The following CFAP20DC variants were observed in gnomAD, a reference collection of about 807,000 sequenced individuals.
The protein encoded by CFAP20DC is protein CFAP20DC.
CFAP20DC carries 84 observed loss-of-function variants against 101.7 expected under a neutral mutation model. That is an observed-to-expected ratio of 0.83 (90% CI 0.69 to 0.99). CFAP20DC has a LOEUF of 0.99. CFAP20DC is among the 50% of genes least tolerant of loss of function. The pLI is 0.00. For synonymous variants in CFAP20DC, 359 were observed against 351.2 expected (o/e 1.02, Z -0.25); for missense variants, 1,007 against 970.3 (o/e 1.04, Z -0.50).
chr3:58,922,406 C>T lies in CFAP20DC; in HGVS notation c.394-8542G>A, dbSNP rs141275936. Among the ~76,000 whole-genome samples the T allele has an allele frequency of 3.9e-5, 6 of 152,264 alleles. No homozygotes were observed. In the East Asian group the frequency reaches 1.2e-3, roughly 29 times the overall value. On this transcript the variant is annotated intron_variant, in intron 5 of 16. Transcript: ENST00000482387. ...CCCACCAAGTCTCATGTTGAAAGTT[C>T]GTGCCCAATGTTAGAGATGGGGCCT...
intron 13 of CFAP20DC, among the ~76,000 whole-genome samples, chr3:58,842,507 G>A (rs908644321): frequency 6.6e-6 from 1 of 152,118 alleles, no homozygotes; most frequent in African/African-American, 2.4e-5. Flanking sequence ...CTGGCTCGGA[G>A]GGTCCTACGC....
At chr3:58,947,724 G>C (rs1576438864) in intron 4 of CFAP20DC, among the ~76,000 whole-genome samples, 1 of 152,144 alleles carries the variant, frequency 6.6e-6, no homozygotes, top group East Asian at 1.9e-4. Flanking sequence ...TCCAAAAGTA[G>C]AATTTAAAAT....
chr3:58,943,282 ACCT>A lies in CFAP20DC; in HGVS notation c.279-5523_279-5521del, dbSNP rs2088886149. ...CCCCTGTGCCTCCTGACTGGGAGAC[ACCT>A]CCCAGCAGGGGTCAATAGACACGTC... On this transcript the variant is annotated intron_variant, in intron 4 of 16. Coordinates refer to ENST00000482387, the MANE Select transcript of CFAP20DC (RefSeq NM_001394063.1). Among the ~76,000 whole-genome samples the A allele has an allele frequency of 2.0e-5, 3 of 151,896 alleles. No homozygotes were observed. The South Asian group carries it at 6.2e-4, about 32-fold the overall frequency.
intron 4 of CFAP20DC, among the ~76,000 whole-genome samples, chr3:59,022,740 A>T (rs1308655221): frequency 1.3e-5 from 2 of 152,110 alleles, no homozygotes; most frequent in Non-Finnish European, 2.9e-5. Flanking sequence ...GACATAAAAC[A>T]AAGATCACTA....
intron 4 of CFAP20DC, chr3:59,018,941 C>G (rs1449371633): frequency 6.6e-6 from 1 of 152,112 alleles, no homozygotes; most frequent in Non-Finnish European, 1.5e-5. Flanking sequence ...TACACACACA[C>G]ACACAATCAC....
chr3:58,836,241 G>C (rs1281967914), intron 13 of CFAP20DC, among the ~76,000 whole-genome samples: 2 of 152,114 alleles, frequency 1.3e-5, no homozygotes, highest in Non-Finnish European at 2.9e-5. Context: ...CTCTAAAATA[G>C]GATAGTATAT....
intron 12 of CFAP20DC, among the ~76,000 whole-genome samples, chr3:58,855,140 G>A (rs1365495981): frequency 6.6e-6 from 1 of 151,544 alleles, no homozygotes; most frequent in African/African-American, 2.4e-5. Context: ...AAATTTACCA[G>A]AAAAAAACAA....
chr3:58,789,110 A>C (rs1236596307), intron 15 of CFAP20DC, among the ~76,000 whole-genome samples: 1 of 152,180 alleles, frequency 6.6e-6, no homozygotes, highest in Non-Finnish European at 1.5e-5. Flanking sequence ...AAAATTACAG[A>C]AAAAAGTTCA....
rs886766397 is a variant in CFAP20DC at position 58,729,246 on chromosome 3, T to A, written c.198-11618A>T. On this transcript the variant is annotated intron_variant, in intron 3 of 3. Transcript: ENST00000486145. This position sits in a 1 kb window ranked among gnomAD's most constrained non-coding sequence, Gnocchi z 4.4. ...AGCAATAGACAACTAATATAATATT[T>A]TAATTCGTATCAATAAATGTTTCAT... is the stretch of plus-strand genomic sequence containing the variant. Among the ~76,000 whole-genome samples the A allele has an allele frequency of 1.3e-5, 2 of 152,334 alleles. No individual in the cohort carries two copies. The highest frequency in any genetic ancestry group is 3.9e-4 in the East Asian group (2 of 5,186).
At chr3:58,744,566 G>A (rs899738462) in intron 16 of CFAP20DC, among the ~76,000 whole-genome samples, 1 of 152,150 alleles carries the variant, frequency 6.6e-6, no homozygotes, top group Non-Finnish European at 1.5e-5. Flanking sequence ...GTCCCTGGGG[G>A]AGGGCAGAGG....
Position 58,806,280 on chromosome 3 carries a change from A to C in CFAP20DC, c.2237+115T>G, listed in dbSNP as rs1047921818. Reference sequence around the variant, plus strand: ...GTAGATGAACTAGGACTTTGAAAGAACATAAGTTTGGAAGCTAGAAGTTTT... The same window carrying C: ...GTAGATGAACTAGGACTTTGAAAGACCATAAGTTTGGAAGCTAGAAGTTTT... On this transcript the variant is annotated intron_variant, in intron 15 of 16. Transcript: ENST00000482387. 5 of 713,910 alleles carry C rather than the reference A, an allele frequency of 7.0e-6. No individual in the cohort carries two copies. The African/African-American group carries it at 9.0e-5, about 13-fold the overall frequency. 44.2% of individuals were successfully genotyped at this position (713,910 alleles called of 1,614,324 possible).
chr3:58,931,104 G>A (rs952460849), intron 5 of CFAP20DC, among the ~76,000 whole-genome samples: 19 of 152,038 alleles, frequency 1.2e-4, no homozygotes, highest in African/African-American at 2.7e-4. Flanking sequence ...AAAAAACGGC[G>A]CACCAGGAGA....
intron 16 of CFAP20DC, among the ~76,000 whole-genome samples, chr3:58,753,511 A>C (rs1405808252): frequency 6.6e-6 from 1 of 152,144 alleles, no homozygotes; most frequent in Non-Finnish European, 1.5e-5. Context: ...TTGACATCCA[A>C]ACCATATTCT....
chr3:58,904,550 C>T (rs1028540961), intron 6 of CFAP20DC, among the ~76,000 whole-genome samples: 2 of 152,080 alleles, frequency 1.3e-5, no homozygotes, highest in Non-Finnish European at 2.9e-5. Context: ...GATGTGCATT[C>T]ACCTGATTTG....
chr3:58,722,849 G>T lies in CFAP20DC; in HGVS notation c.198-5221C>A, dbSNP rs115839916. 0.011 allele frequency among the ~76,000 whole-genome samples: 1,696 copies of T among 152,316 alleles called. 40 individuals carry two copies. The highest frequency in any genetic ancestry group is 0.038 in the African/African-American group (1,574 of 41,558). On this transcript the variant is annotated intron_variant, in intron 3 of 3. Transcript: ENST00000486145. The surrounding 1 kb of genome is among the most constrained non-coding windows in gnomAD (Gnocchi z 4.5). Reference sequence around the variant, plus strand: ...AGCAGAATATAGCAGCTGCCTCCCAGCAGAACTGTCTGTGGTGGAAATACC... The same window carrying T: ...AGCAGAATATAGCAGCTGCCTCCCATCAGAACTGTCTGTGGTGGAAATACC...
chr3:59,045,380 G>A (rs1260635806), intron 3 of CFAP20DC, among the ~76,000 whole-genome samples: 2 of 151,546 alleles, frequency 1.3e-5, no homozygotes, highest in Admixed American at 6.6e-5. Flanking sequence ...AGTAAATGAT[G>A]AATGTAAAAA....
In CFAP20DC at chr3:58,799,626, C is replaced by T. The variant is rs954395140; in HGVS notation, c.2237+6769G>A. ...CTCCTATGTGCTTGGCAAGTATATC[C>T]CTTGAAACTAGGGAGACACTGAACA... On this transcript the variant is annotated intron_variant, in intron 15 of 16. Transcript: ENST00000482387. The surrounding 1 kb of genome is among the most constrained non-coding windows in gnomAD (Gnocchi z 4.9). 6.6e-6 allele frequency among the ~76,000 whole-genome samples: 1 copy of T among 151,896 alleles called. No individual in the cohort carries two copies. Among genetic ancestry groups the T allele is most frequent in the African/African-American group, 2.4e-5 (1 of 41,310 alleles).
chr3:58,813,986 C>T (rs1369198152), intron 14 of CFAP20DC, among the ~76,000 whole-genome samples: 1 of 151,828 alleles, frequency 6.6e-6, no homozygotes, highest in African/African-American at 2.4e-5. Context: ...AATTAGCAAG[C>T]AAAGGGCCTA....
Position 58,861,244 on chromosome 3 carries a change from C to G in CFAP20DC, c.1593+2314G>C. ...TCAATGGGCTAACATCAAATAAAGT[C>G]TTTTAATTACACTTTATAAACTTCA... is the stretch of plus-strand genomic sequence containing the variant. On this transcript the variant is annotated intron_variant, in intron 12 of 16. Transcript: ENST00000482387. This position sits in a 1 kb window ranked among gnomAD's most constrained non-coding sequence, Gnocchi z 4.0. The G allele has an allele frequency of 1.9e-6, 1 of 517,372 alleles. No individual in the cohort carries two copies. Among genetic ancestry groups the G allele is most frequent in the Non-Finnish European group, 2.5e-6 (1 of 402,424 alleles). 32.0% of individuals were successfully genotyped at this position (517,372 alleles called of 1,614,324 possible). A position where few individuals can be genotyped will look rare whatever the true frequency, so the allele number is the denominator to read the frequency against.
Sources: gnomAD v4.1 joint callset for allele counts (sites outside exome capture counted in the v4.1 genomes callset) on GRCh38, gnomAD v4.1.1 for gene constraint, Gnocchi (gnomAD v3.1) non-coding constraint, MANE v1.5 for transcripts, NCBI Gene and HGNC (gene_info 2026-07-23, HGNC 2026-07-21) for gene names.